The following RYR3 variants were observed in gnomAD, a reference collection of about 807,000 sequenced individuals.
RYR3 encodes the protein ryanodine receptor 3.
In RYR3, 207 loss-of-function variants were observed where a neutral mutation model predicts 584.3. The ratio of observed to expected loss-of-function variants is 0.35; its 90% CI spans 0.32 to 0.40. The LOEUF (loss-of-function observed/expected upper bound fraction) is 0.40, where lower values mean the gene tolerates loss of function less well. RYR3 is among the 10% of genes least tolerant of loss of function. The pLI is 1.00. For synonymous variants in RYR3, 2,416 were observed against 2,248.5 expected (o/e 1.07, Z -2.11); for missense variants, 5,616 against 6,089.2 (o/e 0.92, Z 2.59).
chr15:33,626,544 C>A (rs553214695), intron 20 of RYR3, among the ~76,000 whole-genome samples: 1 of 152,102 alleles, frequency 6.6e-6, no homozygotes, highest in Non-Finnish European at 1.5e-5. Context: ...AACAAGGAGC[C>A]GAATGTTAAT....
At position 33,769,128 on chromosome 15, in the gene RYR3, A is replaced by G. The variant is rs2073362428; in HGVS notation, c.8772A>G (p.Thr2924=). ...TTATTCCAGGTAGTGATTCTACTAC[A>G]ATGGTGAGCTGTCTTCACATCTTAG... The part of the protein sequence containing the change: ...RISLFGSDST[T]MVSCLHILAQ... Residue 2924 remains threonine, a synonymous_variant, in exon 62 of 104, where the codon ACA becomes ACG. Coordinates refer to ENST00000634891, the MANE Select transcript of RYR3 (RefSeq NM_001036.6). 1.2e-6 allele frequency: 2 copies of G among 1,613,500 alleles called. No homozygotes were observed. The highest frequency in any genetic ancestry group is 2.7e-5 in the African/African-American group (2 of 75,024).
intron 65 of RYR3, among the ~76,000 whole-genome samples, chr15:33,783,255 A>C (rs752456980): frequency 2.0e-5 from 3 of 152,188 alleles, no homozygotes; most frequent in Admixed American, 1.3e-4. Flanking sequence ...TCTCCAGGTG[A>C]TGCTGGTGCT....
chr15:33,401,179 C>T (rs2042640079), intron 1 of RYR3, among the ~76,000 whole-genome samples: 1 of 152,166 alleles, frequency 6.6e-6, no homozygotes. Context: ...AAAAACAGTA[C>T]TGCTTTGTTG....
chr15:33,792,405 A>G (rs917017313), intron 67 of RYR3, among the ~76,000 whole-genome samples: 15 of 151,948 alleles, frequency 9.9e-5, no homozygotes, highest in African/African-American at 2.9e-4. Context: ...TTCTTTCTCT[A>G]TCCCTTGCCT....
At chr15:33,854,542 G>A (rs755599604) in intron 97 of RYR3, 93 bp downstream of exon 97, 79 of 1,161,300 alleles carry the variant, frequency 6.8e-5, no homozygotes, top group Admixed American at 1.9e-4. Flanking sequence ...AAGGGTTCAG[G>A]GATTGCTTAT....
chr15:33,791,651 A>G (rs2075165386), intron 67 of RYR3, among the ~76,000 whole-genome samples: 1 of 152,184 alleles, frequency 6.6e-6, no homozygotes, highest in African/African-American at 2.4e-5. Flanking sequence ...CCATCAGCAC[A>G]TTGTCTTTTT....
At chr15:33,379,274 A>T (rs1404266839) in intron 1 of RYR3, among the ~76,000 whole-genome samples, 1 of 152,218 alleles carries the variant, frequency 6.6e-6, no homozygotes, top group Non-Finnish European at 1.5e-5. Flanking sequence ...TAATATTCAT[A>T]AAAAAGAATA....
At chr15:33,529,824 C>G (rs1265203567) in intron 3 of RYR3, among the ~76,000 whole-genome samples, 1 of 152,158 alleles carries the variant, frequency 6.6e-6, no homozygotes, top group African/African-American at 2.4e-5. Flanking sequence ...GTTTTGTCTC[C>G]TATCATGTAC....
chr15:33,687,314 T>A (rs2065081591), intron 38 of RYR3, among the ~76,000 whole-genome samples: 1 of 152,142 alleles, frequency 6.6e-6, no homozygotes, highest in Admixed American at 6.5e-5. Flanking sequence ...CCATTCGCAA[T>A]TGCTACAAAG....
intron 2 of RYR3, among the ~76,000 whole-genome samples, chr15:33,493,925 A>AATGATG (rs572261298): frequency 8.7e-5 from 13 of 149,506 alleles, no homozygotes; most frequent in Admixed American, 2.6e-4. Context: ...TCAAAATAAT[A>AATGATG]ATGATGATGA....
chr15:33,414,858 G>T (rs1395357285), intron 1 of RYR3, among the ~76,000 whole-genome samples: 4 of 152,196 alleles, frequency 2.6e-5, no homozygotes, highest in Non-Finnish European at 5.9e-5. Flanking sequence ...CTCCCAAAGT[G>T]CTGGGATTAC....
At position 33,854,227 on chromosome 15, in the gene RYR3, C is replaced by G. The variant is rs528549831; in HGVS notation, c.13800-162C>G. Among the ~76,000 whole-genome samples the G allele has an allele frequency of 4.6e-5, 7 of 151,336 alleles. No homozygotes were observed. In the East Asian group the frequency reaches 1.4e-3, roughly 29 times the overall value. ...AAAAAAAAATTCAGGCTATGTGATT[C>G]AACTGTTCTCTTGTCTCATGGGGAG... On this transcript the variant is annotated intron_variant, in intron 96 of 103. Coordinates refer to ENST00000634891, the MANE Select transcript of RYR3 (RefSeq NM_001036.6).
chr15:33,630,728 G>A (rs1401296464), intron 22 of RYR3, among the ~76,000 whole-genome samples: 2 of 152,200 alleles, frequency 1.3e-5, no homozygotes, highest in African/African-American at 4.8e-5. Context: ...GTAAATATTT[G>A]CTGACCTGTG....
At chr15:33,780,380 G>GT (rs756831706) in intron 65 of RYR3, 39 bp downstream of exon 65, 2 of 1,605,738 alleles carry the variant, frequency 1.2e-6, no homozygotes, top group Non-Finnish European at 1.7e-6. Flanking sequence ...CCCATTTCAT[G>GT]TGCTGAGAGG....
At chr15:33,343,801 T>C (rs1227449027) in intron 1 of RYR3, among the ~76,000 whole-genome samples, 1 of 152,238 alleles carries the variant, frequency 6.6e-6, no homozygotes, top group African/African-American at 2.4e-5. Flanking sequence ...AGCAGACTTT[T>C]GCTTATTTGG....
intron 1 of RYR3, among the ~76,000 whole-genome samples, chr15:33,387,505 T>G (rs1460449389): frequency 2.6e-5 from 4 of 152,182 alleles, no homozygotes; most frequent in African/African-American, 9.7e-5. Context: ...TATTTTCTAT[T>G]TTTTTGAGAA....
intron 19 of RYR3, among the ~76,000 whole-genome samples, chr15:33,620,084 CT>C (rs2060642555): frequency 1.3e-5 from 2 of 152,156 alleles, no homozygotes; most frequent in African/African-American, 2.4e-5. Flanking sequence ...AGACATTTGC[CT>C]TTCTGGGAAG....
At chr15:33,851,975 ATGTTTAAGACAAAGAAAC>A (rs1263687968) in intron 94 of RYR3, 1 of 151,992 alleles carries the variant, frequency 6.6e-6, no homozygotes, top group African/African-American at 2.4e-5. Context: ...TGGCATTTAA[ATGTTTAAGACAAAGAAAC>A]TGCTTTAACA....
intron 18 of RYR3, among the ~76,000 whole-genome samples, chr15:33,611,595 T>G (rs1248559591): frequency 6.6e-6 from 1 of 151,828 alleles, no homozygotes; most frequent in African/African-American, 2.4e-5. Context: ...ATAAAATATA[T>G]ATAACTCCAT....
Sources: gnomAD v4.1 joint callset for allele counts (sites outside exome capture counted in the v4.1 genomes callset) on GRCh38, gnomAD v4.1.1 for gene constraint, MANE v1.5 for transcripts, NCBI Gene and HGNC (gene_info 2026-07-23, HGNC 2026-07-21) for gene names.